SPINK5: variants seen among roughly 807,000 people sequenced by gnomAD.
SPINK5 encodes the protein serine protease inhibitor Kazal-type 5.
Under a neutral mutation model 151.8 loss-of-function variants are expected in SPINK5, and 125 were observed. The ratio of observed to expected loss-of-function variants is 0.82; its 90% CI spans 0.71 to 0.96. SPINK5 has a LOEUF of 0.96. Ranked by LOEUF, SPINK5 falls within the 40% of genes least tolerant of loss-of-function variation. SPINK5 has a pLI of 0.00. For synonymous variants in SPINK5, 374 were observed against 395.3 expected (o/e 0.95, Z 0.64); for missense variants, 1,194 against 1,291.9 (o/e 0.92, Z 1.16).
intron 18 of SPINK5, among the ~76,000 whole-genome samples, chr5:148,111,469 G>A (rs969931156): frequency 2.0e-5 from 3 of 152,134 alleles, no homozygotes; most frequent in African/African-American, 7.2e-5. Flanking sequence ...GTATTATTCT[G>A]TATACCACAG....
intron 26 of SPINK5, among the ~76,000 whole-genome samples, chr5:148,123,521 G>GTATATATA (rs1159209367): frequency 4.4e-4 from 11 of 25,012 alleles, no homozygotes; most frequent in South Asian, 2.0e-3. Flanking sequence ...CAATATATGT[G>GTATATATA]TATATATATA....
intron 26 of SPINK5, among the ~76,000 whole-genome samples, chr5:148,120,972 G>A (rs1341466412): frequency 1.3e-5 from 2 of 151,406 alleles, no homozygotes; most frequent in East Asian, 3.9e-4. Flanking sequence ...GTGAAACCCC[G>A]TCTCTACTAA....
At chr5:148,089,738 A>C in intron 7 of SPINK5, 117 bp downstream of exon 7, 1 of 1,442,260 alleles carries the variant, frequency 6.9e-7, no homozygotes. Context: ...TTGTCTTTAC[A>C]CTGTGAAATA....
At chr5:148,098,071 A>T in intron 11 of SPINK5, 77 bp downstream of exon 11, 1 of 1,389,364 alleles carries the variant, frequency 7.2e-7, no homozygotes, top group South Asian at 1.2e-5. Flanking sequence ...TCTTTCATAG[A>T]TGGGGAGACT....
rs1477455528 is a variant in SPINK5 at position 148,075,312 on chromosome 5, G to A, written c.282+3092G>A. Among the ~76,000 whole-genome samples the A allele has an allele frequency of 2.0e-5, 3 of 151,240 alleles. No homozygotes were observed. The East Asian group carries it at 5.9e-4, about 30-fold the overall frequency. ...TTGCTTATTATTAAAAGTCTTCTTT[G>A]CAACTATTAAAATAATTTGATTTTT... On this transcript the variant is annotated intron_variant, in intron 4 of 32. Transcript: ENST00000256084.
At chr5:148,121,967 TA>T (rs936605695) in intron 26 of SPINK5, among the ~76,000 whole-genome samples, 9 of 147,722 alleles carry the variant, frequency 6.1e-5, no homozygotes, top group Admixed American at 6.8e-5. Context: ...GAACTTGTCT[TA>T]AAAAAAAAAT....
intron 4 of SPINK5, among the ~76,000 whole-genome samples, chr5:148,081,747 A>G (rs1372585533): frequency 6.6e-6 from 1 of 151,722 alleles, no homozygotes; most frequent in African/African-American, 2.4e-5. Context: ...TCAATGGGTG[A>G]ATTTTATAGT....
At chr5:148,098,028 A>G (rs1162181367) in intron 11 of SPINK5, 34 bp downstream of exon 11, 2 of 1,599,510 alleles carry the variant, frequency 1.3e-6, no homozygotes, top group Non-Finnish European at 1.7e-6. Flanking sequence ...CAAAGAAAGA[A>G]GGGATCTTGC....
At chr5:148,078,126 C>A (rs144997558) in intron 4 of SPINK5, among the ~76,000 whole-genome samples, 2 of 150,674 alleles carry the variant, frequency 1.3e-5, no homozygotes, top group African/African-American at 4.9e-5. Context: ...TAAGTTTAAC[C>A]GTAAGAGAGC....
chr5:148,086,407 G>C lies in SPINK5; in HGVS notation c.285G>C (p.Leu95=), dbSNP rs1310041180. The part of the protein sequence containing the change: ...RAPKATAPTE[L]NCDDFKKGER... ...TTCCTTGATCATGTCTTTTGCAGCT[G>C]AATTGTGATGATTTTAAAAAAGGAG... The change falls in exon 5 of 33, where the codon CTG becomes CTC. Residue 95 remains leucine, a splice_region_variant and synonymous_variant. Transcript: ENST00000256084. 4 of 1,610,298 alleles carry C rather than the reference G, an allele frequency of 2.5e-6. No individual in the cohort carries two copies. In the African/African-American group the frequency reaches 5.4e-5, roughly 22 times the overall value.
chr5:148,130,619 A>G (rs780898028), intron 30 of SPINK5, among the ~76,000 whole-genome samples: 1 of 152,152 alleles, frequency 6.6e-6, no homozygotes, highest in Non-Finnish European at 1.5e-5. Flanking sequence ...GAAAATATAC[A>G]TATGTTTTTT....
Position 148,064,071 on chromosome 5 carries a change from T to A in SPINK5, c.27T>A (p.Leu9=). The A allele has an allele frequency of 6.2e-7, 1 of 1,614,170 alleles. No homozygotes were observed. The highest frequency in any genetic ancestry group is 8.5e-7 in the Non-Finnish European group (1 of 1,180,024). Residue 9 remains leucine, a synonymous_variant, in exon 1 of 33, where the codon CTT becomes CTA. Coordinates refer to ENST00000256084, the MANE Select transcript of SPINK5 (RefSeq NM_006846.4). ...TGAAGATAGCCACAGTGTCAGTGCT[T>A]CTGCCCTTGGCTCTTTGCCTCATAC... is the stretch of plus-strand genomic sequence containing the variant. MKIATVSV[L]LPLALCLIQD...
chr5:148,109,121 G>A (rs1753856355), intron 18 of SPINK5, among the ~76,000 whole-genome samples: 1 of 152,090 alleles, frequency 6.6e-6, no homozygotes, highest in Non-Finnish European at 1.5e-5. Context: ...TTATCTTACT[G>A]TCTGAATGCA....
chr5:148,099,719 A>G (rs1301739918), intron 12 of SPINK5, among the ~76,000 whole-genome samples: 3 of 152,072 alleles, frequency 2.0e-5, no homozygotes, highest in South Asian at 4.1e-4. Flanking sequence ...ATATTACAAT[A>G]TTAGTTTCCA....
At chr5:148,135,693 T>G (rs957793802) in intron 32 of SPINK5, among the ~76,000 whole-genome samples, 6 of 152,238 alleles carry the variant, frequency 3.9e-5, no homozygotes, top group Admixed American at 3.9e-4. Context: ...CCTAGCATTG[T>G]TCTGATGACT....
At chr5:148,071,128 C>A (rs2127190483) in intron 3 of SPINK5, among the ~76,000 whole-genome samples, 1 of 152,210 alleles carries the variant, frequency 6.6e-6, no homozygotes, top group African/African-American at 2.4e-5. Flanking sequence ...AATCCTCAAA[C>A]CAGAATGTCC....
Position 148,137,362 on chromosome 5 carries a change from T to C in SPINK5, c.*371T>C. The C allele has an allele frequency of 3.5e-6, 1 of 283,914 alleles. No homozygotes were observed. Among genetic ancestry groups the C allele is most frequent in the South Asian group, 5.4e-5 (1 of 18,662 alleles). The allele number at this position is 283,914 out of a possible 1,614,324, so 17.6% of individuals were successfully genotyped here. Reference sequence around the variant, plus strand: ...AAGAAACTGAATAAACTCTACCCTTTTGTCTTTTTGTGTTGCTAAACCCAT... The same window carrying C: ...AAGAAACTGAATAAACTCTACCCTTCTGTCTTTTTGTGTTGCTAAACCCAT... On this transcript the variant is annotated 3_prime_UTR_variant, in exon 33 of 33. Coordinates refer to ENST00000256084, the MANE Select transcript of SPINK5 (RefSeq NM_006846.4).
chr5:148,100,658 G>A, intron 13 of SPINK5, 77 bp downstream of exon 13: 1 of 1,510,942 alleles, frequency 6.6e-7, no homozygotes. Flanking sequence ...AATTATGGGA[G>A]GGCCACTTCA....
chr5:148,094,275 A>G (rs962161854), intron 8 of SPINK5, 79 bp from the exon 9 acceptor site: 2 of 1,517,134 alleles, frequency 1.3e-6, no homozygotes, highest in African/African-American at 2.8e-5. Flanking sequence ...ACCCTGCGCA[A>G]TGCAGCAAAA....
Sources: gnomAD v4.1 joint callset for allele counts (sites outside exome capture counted in the v4.1 genomes callset) on GRCh38, gnomAD v4.1.1 for gene constraint, MANE v1.5 for transcripts, NCBI Gene and HGNC (gene_info 2026-07-23, HGNC 2026-07-21) for gene names.